Variants in GMDS observed in about 807,000 individuals in gnomAD.
The protein encoded by GMDS is GDP-mannose 4,6 dehydratase.
GMDS carries 20 observed loss-of-function variants against 49.9 expected under a neutral mutation model. That is an observed-to-expected ratio of 0.40 (90% CI 0.28 to 0.58). The LOEUF (loss-of-function observed/expected upper bound fraction) is 0.58. Ranked by LOEUF, GMDS falls within the 20% of genes least tolerant of loss-of-function variation. GMDS has a pLI of 0.42. For synonymous variants in GMDS, 177 were observed against 178.6 expected (o/e 0.99, Z 0.07); for missense variants, 362 against 481.4 (o/e 0.75, Z 2.32).
chr6:2,125,985 T>C (rs1335910734), intron 1 of GMDS, among the ~76,000 whole-genome samples: 1 of 152,220 alleles, frequency 6.6e-6, no homozygotes, highest in Non-Finnish European at 1.5e-5. Context: ...AAAATGAAGG[T>C]GTCTGACAAA....
chr6:1,888,135 T>TTATTA (rs386405901), intron 7 of GMDS, among the ~76,000 whole-genome samples: 6 of 87,834 alleles, frequency 6.8e-5, no homozygotes, highest in Admixed American at 1.4e-4. Context: ...ATTATTATTA[T>TTATTA]TTTTTTTTTT....
At chr6:1,731,778 C>T (rs187404891) in intron 8 of GMDS, among the ~76,000 whole-genome samples, 1 of 152,044 alleles carries the variant, frequency 6.6e-6, no homozygotes, top group Non-Finnish European at 1.5e-5. Flanking sequence ...GCTAAGAGAG[C>T]CCCCCAGAGG....
At chr6:1,744,870 T>C (rs1767418918) in intron 7 of GMDS, among the ~76,000 whole-genome samples, 2 of 152,256 alleles carry the variant, frequency 1.3e-5, no homozygotes, top group South Asian at 2.1e-4. Context: ...GCACACAGTA[T>C]GGTGGCTTCA....
At chr6:1,970,237 A>G (rs1764521900) in intron 4 of GMDS, among the ~76,000 whole-genome samples, 2 of 152,210 alleles carry the variant, frequency 1.3e-5, no homozygotes, top group Non-Finnish European at 2.9e-5. Context: ...AGTGAGCTGG[A>G]AATGCCTAAG....
intron 4 of GMDS, among the ~76,000 whole-genome samples, chr6:2,010,249 C>T (rs528862848): frequency 1.5e-3 from 232 of 151,534 alleles, no homozygotes; most frequent in Non-Finnish European, 2.8e-3. Flanking sequence ...ATCGCTTGAA[C>T]CCGAGAGGCA....
At chr6:1,723,594 C>T (rs1427362424) in intron 9 of GMDS, among the ~76,000 whole-genome samples, 6 of 125,946 alleles carry the variant, frequency 4.8e-5, no homozygotes, top group African/African-American at 1.5e-4. Context: ...CTCTTTATGG[C>T]AATTTTTTTT....
chr6:2,009,511 T>C (rs999966923), intron 4 of GMDS, among the ~76,000 whole-genome samples: 1 of 152,170 alleles, frequency 6.6e-6, no homozygotes, highest in Non-Finnish European at 1.5e-5. Flanking sequence ...CTTTTCACAA[T>C]GCCACAAAGA....
intron 7 of GMDS, among the ~76,000 whole-genome samples, chr6:1,767,306 C>T (rs1336974141): frequency 6.6e-6 from 1 of 152,070 alleles, no homozygotes; most frequent in African/African-American, 2.4e-5. Context: ...ACGACAACAA[C>T]TCTTAAGTTT....
intron 1 of GMDS, among the ~76,000 whole-genome samples, chr6:2,193,615 T>A (rs1259484500): frequency 1.3e-5 from 2 of 152,182 alleles, no homozygotes; most frequent in Non-Finnish European, 2.9e-5. Context: ...CATGTGTAAT[T>A]AGGATATGTT....
chr6:1,730,393 C>G (rs765237579), intron 8 of GMDS, among the ~76,000 whole-genome samples: 1 of 152,142 alleles, frequency 6.6e-6, no homozygotes, highest in Admixed American at 6.5e-5. Context: ...TCTCCTAAAC[C>G]AACAGTGGGA....
chr6:1,966,683 G>A (rs1216163694), intron 4 of GMDS, among the ~76,000 whole-genome samples: 1 of 152,090 alleles, frequency 6.6e-6, no homozygotes, highest in African/African-American at 2.4e-5. Flanking sequence ...GCACCTCTTG[G>A]AGCAACAGCC....
intron 1 of GMDS, among the ~76,000 whole-genome samples, chr6:2,237,272 C>T (rs985570670): frequency 3.9e-5 from 6 of 152,178 alleles, no homozygotes; most frequent in Admixed American, 6.5e-5. Context: ...AAATTGCTTA[C>T]TAGCTTGCCA....
intron 1 of GMDS, among the ~76,000 whole-genome samples, chr6:2,148,775 A>T (rs1776700924): frequency 6.6e-6 from 1 of 152,228 alleles, no homozygotes; most frequent in Non-Finnish European, 1.5e-5. Flanking sequence ...CCTGTGTATT[A>T]TATCAGCTTT....
rs921743060 is a variant in GMDS at position 1,971,514 on chromosome 6, C to T, written c.346-10548G>A. ...ACATCTTTGTTTGCCTTTGTATGCT[C>T]AAGGCATATTAAGGTATAGTTCCAC... On this transcript the variant is annotated intron_variant, in intron 4 of 10. Transcript: ENST00000380815. Among the ~76,000 whole-genome samples the T allele has an allele frequency of 2.6e-5, 4 of 152,272 alleles. 1 individual carries two copies. In the South Asian group the frequency reaches 8.3e-4, roughly 32 times the overall value.
intron 4 of GMDS, among the ~76,000 whole-genome samples, chr6:2,035,843 T>C (rs572226890): frequency 3.3e-5 from 5 of 152,184 alleles, no homozygotes; most frequent in Middle Eastern, 3.4e-3. Flanking sequence ...TGCACCACCA[T>C]GCCCGGCTAA....
chr6:1,715,713 A>T (rs900851023), intron 9 of GMDS, among the ~76,000 whole-genome samples: 1 of 152,250 alleles, frequency 6.6e-6, no homozygotes, highest in Non-Finnish European at 1.5e-5. Flanking sequence ...AGACTTCAAA[A>T]GTTTGAGAGC....
At position 1,624,427 on chromosome 6, in the gene GMDS, C is replaced by A. The variant is rs201035510; in HGVS notation, c.1056+45G>T. 1.1e-4 allele frequency: 165 copies of A among 1,553,332 alleles called. 1 individual carries two copies. In the Admixed American group the frequency reaches 2.0e-3, roughly 19 times the overall value. On this transcript the variant is annotated intron_variant, in intron 10 of 10. Coordinates refer to ENST00000380815, the MANE Select transcript of GMDS (RefSeq NM_001500.4). ...GACCCTGAGAGCTGCCGCCCTGCAG[C>A]CCGGGGCCCCGCAGCGGGCGGCGTG...
At chr6:1,725,054 T>C (rs9378308) in intron 9 of GMDS, among the ~76,000 whole-genome samples, 127,569 of 152,200 alleles carry the variant, frequency 0.84, 53,944 homozygotes, top group East Asian at 1. Context: ...TCAGTCTCTC[T>C]TCACTGGGGT....
intron 9 of GMDS, among the ~76,000 whole-genome samples, chr6:1,665,392 G>C (rs1021445359): frequency 6.6e-6 from 1 of 152,144 alleles, no homozygotes; most frequent in Non-Finnish European, 1.5e-5. Flanking sequence ...AACCATGATT[G>C]CTTTAAAGAG....
Sources: allele counts gnomAD v4.1 joint callset (sites outside exome capture counted in the v4.1 genomes callset), GRCh38; gene constraint gnomAD v4.1.1; transcripts MANE v1.5; gene names NCBI Gene and HGNC (gene_info 2026-07-23, HGNC 2026-07-21).